KCNC2: variants seen among roughly 807,000 people sequenced by gnomAD.
KCNC2 encodes potassium voltage-gated channel subfamily C member 2.
KCNC2 carries 21 observed loss-of-function variants against 44.5 expected under a neutral mutation model. That is an observed-to-expected ratio of 0.47 (90% CI 0.33 to 0.68). The LOEUF (loss-of-function observed/expected upper bound fraction) is 0.68, where lower values mean the gene tolerates loss of function less well. Among genes scored for constraint, KCNC2 ranks in the 30% least tolerant of loss-of-function variants. KCNC2 has a pLI of 0.01. For missense variants in KCNC2, 589 were observed against 826.2 expected (o/e 0.71, Z 3.52); for synonymous variants, 391 against 339.1 (o/e 1.15, Z -1.68).
At chr12:75,125,215 T>TA (rs1004724427) in intron 2 of KCNC2, among the ~76,000 whole-genome samples, 2 of 152,220 alleles carry the variant, frequency 1.3e-5, no homozygotes, top group African/African-American at 4.8e-5. Context: ...GGAATAATTA[T>TA]ACCAACTAGA....
chr12:75,188,904 T>C (rs1449832917), intron 2 of KCNC2, among the ~76,000 whole-genome samples: 1 of 143,426 alleles, frequency 7.0e-6, no homozygotes, highest in African/African-American at 2.6e-5. Flanking sequence ...AATAAATAAA[T>C]AACAAGGTGA....
intron 2 of KCNC2, among the ~76,000 whole-genome samples, chr12:75,063,599 A>T (rs1257071267): frequency 6.6e-6 from 1 of 152,028 alleles, no homozygotes; most frequent in African/African-American, 2.4e-5. Flanking sequence ...ATGGTGGGGG[A>T]GAGCTGAATA....
intron 2 of KCNC2, among the ~76,000 whole-genome samples, chr12:75,093,511 C>T (rs1416247294): frequency 6.6e-6 from 1 of 151,462 alleles, no homozygotes; most frequent in African/African-American, 2.4e-5. Flanking sequence ...TTAAAAGACC[C>T]GAAGCTCCAT....
At chr12:75,202,795 G>T (rs1593090743) in intron 2 of KCNC2, among the ~76,000 whole-genome samples, 1 of 146,208 alleles carries the variant, frequency 6.8e-6, no homozygotes, top group Admixed American at 6.8e-5. Flanking sequence ...TCCTATGTGA[G>T]TTTTTTTTTT....
chr12:75,056,465 A>G (rs927596259), intron 2 of KCNC2, among the ~76,000 whole-genome samples: 2 of 151,994 alleles, frequency 1.3e-5, no homozygotes, highest in Admixed American at 6.6e-5. Flanking sequence ...ATTTTACATA[A>G]GTTGCATTAT....
At chr12:75,163,890 A>G (rs1025596212) in intron 2 of KCNC2, among the ~76,000 whole-genome samples, 2 of 151,688 alleles carry the variant, frequency 1.3e-5, no homozygotes, top group Admixed American at 6.6e-5. Flanking sequence ...CGAAACTGCC[A>G]TGAGACTTGC....
intron 2 of KCNC2, among the ~76,000 whole-genome samples, chr12:75,096,727 G>A (rs1885954540): frequency 6.6e-6 from 1 of 151,972 alleles, no homozygotes; most frequent in African/African-American, 2.4e-5. Context: ...AAGCACTTAG[G>A]AAATAAGCTT....
intron 2 of KCNC2, among the ~76,000 whole-genome samples, chr12:75,194,132 T>C (rs1184527515): frequency 2.0e-5 from 3 of 152,134 alleles, no homozygotes; most frequent in Admixed American, 1.3e-4. Context: ...GGTTCAATAG[T>C]GTCCCTCAAA....
At chr12:75,144,629 T>A (rs1224890740) in intron 2 of KCNC2, among the ~76,000 whole-genome samples, 1 of 146,552 alleles carries the variant, frequency 6.8e-6, no homozygotes, top group African/African-American at 2.5e-5. Flanking sequence ...TTTGTGTGTG[T>A]GTGTGTGTGT....
chr12:75,203,977 C>T (rs949881031), intron 2 of KCNC2, among the ~76,000 whole-genome samples: 3 of 151,880 alleles, frequency 2.0e-5, no homozygotes, highest in Non-Finnish European at 4.4e-5. Context: ...TTTTCTAACA[C>T]TTACACATTA....
At chr12:75,129,241 C>T (rs903565997) in intron 2 of KCNC2, among the ~76,000 whole-genome samples, 4 of 152,192 alleles carry the variant, frequency 2.6e-5, no homozygotes, top group African/African-American at 9.6e-5. Context: ...GTACATTGCA[C>T]AGCCAGGGAG....
intron 2 of KCNC2, among the ~76,000 whole-genome samples, chr12:75,080,199 AT>A (rs1190715688): frequency 6.6e-6 from 1 of 152,152 alleles, no homozygotes; most frequent in Non-Finnish European, 1.5e-5. Context: ...CATTGGAAAT[AT>A]TTTTTAATCA....
intron 2 of KCNC2, among the ~76,000 whole-genome samples, chr12:75,188,782 C>T (rs2137693865): frequency 6.6e-6 from 1 of 151,834 alleles, no homozygotes; most frequent in African/African-American, 2.4e-5. Flanking sequence ...ATCACTTGAA[C>T]CCGGAGTTGG....
At position 75,147,265 on chromosome 12, in the gene KCNC2, T is replaced by TA. The variant is rs577396541; in HGVS notation, c.687+60031dup. On this transcript the variant is annotated intron_variant, in intron 2 of 4. Transcript: ENST00000549446. ...CAGAAACATGAAATTTTATACATTA[T>TA]AAAAAATGACCCAAATAAATGGAGA... Among the ~76,000 whole-genome samples the TA allele has an allele frequency of 5.1e-4, 78 of 152,258 alleles. 1 individual carries two copies. Among genetic ancestry groups the TA allele is most frequent in the Admixed American group, 3.6e-3 (55 of 15,298 alleles).
chr12:75,041,906 A>T lies in KCNC2; in HGVS notation c.*1199T>A. 1.0e-6 allele frequency: 1 copy of T among 993,958 alleles called. No individual in the cohort carries two copies. The highest frequency in any genetic ancestry group is 1.2e-6 in the Non-Finnish European group (1 of 835,838). The allele number at this position is 993,958 out of a possible 1,614,324, so 61.6% of individuals were successfully genotyped here. ...TAAATATTAAAATCATAAACATCTT[A>T]CAGAGGCATTTCTGTGCTTCATGGA... On this transcript the variant is annotated 3_prime_UTR_variant, in exon 5 of 5. Coordinates refer to ENST00000549446, the MANE Select transcript of KCNC2 (RefSeq NM_139137.4).
intron 2 of KCNC2, among the ~76,000 whole-genome samples, chr12:75,147,015 T>C (rs1890071476): frequency 6.6e-6 from 1 of 152,140 alleles, no homozygotes; most frequent in Non-Finnish European, 1.5e-5. Flanking sequence ...GACTTTATAC[T>C]TAGAAAATAC....
chr12:75,185,017 A>G (rs1466065739), intron 2 of KCNC2, among the ~76,000 whole-genome samples: 7 of 152,254 alleles, frequency 4.6e-5, no homozygotes, highest in Admixed American at 6.5e-5. Flanking sequence ...GAGCAGAAGC[A>G]TAAAGCCGGA....
intron 2 of KCNC2, among the ~76,000 whole-genome samples, chr12:75,087,394 G>A (rs895300557): frequency 4.6e-5 from 7 of 151,954 alleles, no homozygotes; most frequent in South Asian, 2.1e-4. Context: ...TTTGGCTATC[G>A]TTTTAGATAA....
chr12:75,180,670 C>T (rs1892512899), intron 2 of KCNC2, among the ~76,000 whole-genome samples: 1 of 151,584 alleles, frequency 6.6e-6, no homozygotes, highest in Non-Finnish European at 1.5e-5. Context: ...ATATAGCATA[C>T]TATATTTATA....
Sources: allele counts gnomAD v4.1 joint callset (sites outside exome capture counted in the v4.1 genomes callset), GRCh38; gene constraint gnomAD v4.1.1; transcripts MANE v1.5; gene names NCBI Gene and HGNC (gene_info 2026-07-23, HGNC 2026-07-21).